RGS6: variants seen among roughly 807,000 people sequenced by gnomAD.
RGS6 encodes regulator of G-protein signaling 6.
RGS6 carries 30 observed loss-of-function variants against 78.5 expected under a neutral mutation model. The ratio of observed to expected loss-of-function variants is 0.38; its 90% confidence interval spans 0.29 to 0.52. RGS6 has a LOEUF of 0.52. Among genes scored for constraint, RGS6 ranks in the 20% least tolerant of loss-of-function variants. The pLI, the probability that RGS6 is intolerant of heterozygous loss-of-function variation, is 0.85. For missense variants in RGS6, 495 were observed against 609.7 expected (o/e 0.81, Z 1.98); for synonymous variants, 206 against 206.0 (o/e 1.00, Z 0.00).
At chr14:72,210,426 A>G (rs2043818953) in intron 2 of RGS6, among the ~76,000 whole-genome samples, 1 of 152,222 alleles carries the variant, frequency 6.6e-6, no homozygotes, top group Admixed American at 6.5e-5. Context: ...GTGTGTGTCT[A>G]ATCAAGGAAG....
At chr14:71,982,990 G>A (rs1474863211) in intron 2 of RGS6, among the ~76,000 whole-genome samples, 1 of 152,198 alleles carries the variant, frequency 6.6e-6, no homozygotes, top group Non-Finnish European at 1.5e-5. Flanking sequence ...CATATCCTGA[G>A]TGTCTTAGTG....
chr14:71,919,456 T>A, the RGS6 span, among the ~76,000 whole-genome samples: 104 of 151,998 alleles, frequency 6.8e-4, no homozygotes, highest in Non-Finnish European at 2.4e-4. Context: ...CAACAAGATA[T>A]AGGGTGTGTG....
chr14:72,311,632 G>A (rs1417570419), intron 2 of RGS6, among the ~76,000 whole-genome samples: 2 of 152,134 alleles, frequency 1.3e-5, no homozygotes, highest in African/African-American at 4.8e-5. Context: ...TTGTTCATGT[G>A]GTTTGTCTCT....
At chr14:72,254,136 G>A (rs77258899) in intron 2 of RGS6, among the ~76,000 whole-genome samples, 1,796 of 152,316 alleles carry the variant, frequency 0.012, 32 homozygotes, top group African/African-American at 0.036. Context: ...ACGTGCCCTT[G>A]AACATTTTCA....
At position 72,078,307 on chromosome 14, in the gene RGS6, G is replaced by A. The variant is rs182409079; in HGVS notation, c.84+113432G>A. Among the ~76,000 whole-genome samples the A allele has an allele frequency of 9.6e-3, 1,463 of 152,290 alleles. 22 individuals carry two copies. The highest frequency in any genetic ancestry group is 0.033 in the African/African-American group (1,363 of 41,556). On this transcript the variant is annotated intron_variant, in intron 2 of 17. Coordinates refer to ENST00000553525, the MANE Select transcript of RGS6 (RefSeq NM_001204424.2). ...TAAGTTTCCTGAGGCCTCTCCAGAA[G>A]CAGAAGCCACCATACTTCCTGTACA...
chr14:71,971,973 A>G (rs1213560424), intron 2 of RGS6, among the ~76,000 whole-genome samples: 1 of 139,122 alleles, frequency 7.2e-6, no homozygotes, highest in African/African-American at 2.8e-5. Flanking sequence ...GATGGGTGGT[A>G]GTAGTCTTAG....
At chr14:71,887,623 C>CTTACTAGGGTGGGGAAAA in the RGS6 span, among the ~76,000 whole-genome samples, 1 of 152,148 alleles carries the variant, frequency 6.6e-6, no homozygotes, top group Non-Finnish European at 1.5e-5. Context: ...TACCTTCAGG[C>CTTACTAGGGTGGGGAAAA]TTACTAGGGT....
chr14:72,209,153 A>T (rs965276172), intron 2 of RGS6, among the ~76,000 whole-genome samples: 23 of 152,022 alleles, frequency 1.5e-4, no homozygotes, highest in Admixed American at 3.9e-4. Context: ...AGGTGGGAGG[A>T]TTGCTTGAGC....
intron 6 of RGS6, chr14:72,464,601 C>T (rs1011123839): frequency 6.6e-6 from 1 of 152,212 alleles, no homozygotes; most frequent in African/African-American, 2.4e-5. Context: ...CACAGGTTCT[C>T]TCTGGCCCTC....
intron 2 of RGS6, among the ~76,000 whole-genome samples, chr14:72,330,684 A>C (rs1247305948): frequency 1.3e-5 from 2 of 152,192 alleles, no homozygotes; most frequent in East Asian, 3.9e-4. Flanking sequence ...CAGGGCCCAC[A>C]TTTAAAATTA....
intron 2 of RGS6, among the ~76,000 whole-genome samples, chr14:72,217,457 T>C (rs1338898255): frequency 2.6e-5 from 4 of 152,172 alleles, no homozygotes; most frequent in Non-Finnish European, 5.9e-5. Flanking sequence ...TCCTAGGGCT[T>C]TACTGCATAG....
chr14:72,458,150 A>C, intron 4 of RGS6, 121 bp from the exon 5 acceptor site: 1 of 719,176 alleles, frequency 1.4e-6, no homozygotes, highest in Non-Finnish European at 2.3e-6. Context: ...GAGCAAGGGC[A>C]ATTGTATCAT....
chr14:72,282,188 A>G (rs896254948), intron 2 of RGS6, among the ~76,000 whole-genome samples: 5 of 152,200 alleles, frequency 3.3e-5, no homozygotes, highest in Non-Finnish European at 7.3e-5. Context: ...GAGTTGTGGC[A>G]GCCGTGAGAG....
At chr14:72,045,960 G>A (rs1338656947) in intron 2 of RGS6, among the ~76,000 whole-genome samples, 2 of 152,120 alleles carry the variant, frequency 1.3e-5, no homozygotes, top group African/African-American at 4.8e-5. Context: ...CAATATGAGT[G>A]TGTGTGGTAG....
rs564146787 is a variant in RGS6 at position 72,336,248 on chromosome 14, G to C, written c.85-15847G>C. On this transcript the variant is annotated intron_variant, in intron 2 of 17. Transcript: ENST00000553525. ...TTATGTCATCTTAAAACAAATGAAA[G>C]ACTACTCTAATCATGCCACTTCTCA... is the stretch of plus-strand genomic sequence containing the variant. 1.8e-4 allele frequency among the ~76,000 whole-genome samples: 28 copies of C among 152,220 alleles called. No individual in the cohort carries two copies. The South Asian group carries it at 5.6e-3, about 30-fold the overall frequency.
chr14:71,874,890 A>G, the RGS6 span, among the ~76,000 whole-genome samples: 305 of 152,294 alleles, frequency 2.0e-3, no homozygotes, highest in African/African-American at 7.1e-3. Context: ...TTACGCATCT[A>G]TTGAGATAAT....
intron 3 of RGS6, among the ~76,000 whole-genome samples, chr14:72,416,773 A>G (rs2093843391): frequency 2.0e-5 from 3 of 152,194 alleles, no homozygotes; most frequent in Admixed American, 2.0e-4. Context: ...GGTTAAGAGT[A>G]TGAGCATTGA....
chr14:72,074,491 C>A (rs2094510881), intron 2 of RGS6, among the ~76,000 whole-genome samples: 2 of 151,794 alleles, frequency 1.3e-5, no homozygotes, highest in Non-Finnish European at 2.9e-5. Flanking sequence ...AGCCACCATG[C>A]CTGGCCAATT....
chr14:72,448,477 G>C (rs1204069519), intron 3 of RGS6, among the ~76,000 whole-genome samples: 1 of 150,864 alleles, frequency 6.6e-6, no homozygotes, highest in African/African-American at 2.4e-5. Context: ...TCTGCTAGCT[G>C]ATCATTGCAT....
Sources: allele counts gnomAD v4.1 joint callset (sites outside exome capture counted in the v4.1 genomes callset), GRCh38; gene constraint gnomAD v4.1.1; transcripts MANE v1.5; gene names NCBI Gene and HGNC (gene_info 2026-07-23, HGNC 2026-07-21).